The following AGXT2 variants were observed in gnomAD, a reference collection of about 807,000 sequenced individuals.
The protein encoded by AGXT2 is alanine--glyoxylate aminotransferase 2, mitochondrial.
A neutral mutation model predicts 62.5 loss-of-function variants in AGXT2; 61 were observed. The observed-to-expected ratio is 0.98, with a 90% CI of 0.79 to 1.21. The LOEUF (loss-of-function observed/expected upper bound fraction) is 1.21. Among genes scored for constraint, AGXT2 ranks in the 50% most tolerant of loss-of-function variants. The pLI is 0.00. For missense variants in AGXT2, 666 were observed against 641.5 expected, an observed-to-expected ratio of 1.04 and a Z score of -0.41; for synonymous variants, 243 against 218.7, an observed-to-expected ratio of 1.11 and a Z score of -0.98.
chr5:35,017,415 A>G (rs1474452584), intron 9 of AGXT2, among the ~76,000 whole-genome samples: 1 of 152,098 alleles, frequency 6.6e-6, no homozygotes, highest in African/African-American at 2.4e-5. Context: ...TGTGGGAGGG[A>G]CCTGATGGGA....
At chr5:35,037,119 A>C in intron 3 of AGXT2, 54 bp from the exon 4 acceptor site, 1 of 1,611,810 alleles carries the variant, frequency 6.2e-7, no homozygotes, top group Non-Finnish European at 8.5e-7. Context: ...TCCCTCCTGC[A>C]CACACCCTGG....
intron 9 of AGXT2, among the ~76,000 whole-genome samples, chr5:35,015,521 G>T (rs1484236863): frequency 2.0e-5 from 3 of 152,070 alleles, no homozygotes; most frequent in Non-Finnish European, 4.4e-5. Flanking sequence ...TAGGGATGTG[G>T]GCACTAGAAG....
intron 5 of AGXT2, among the ~76,000 whole-genome samples, chr5:35,033,958 G>A (rs1258085170): frequency 6.6e-6 from 1 of 152,066 alleles, no homozygotes; most frequent in African/African-American, 2.4e-5. Context: ...AATATCTTTA[G>A]GGACTTACAC....
intron 9 of AGXT2, 70 bp downstream of exon 9, chr5:35,025,693 G>A: frequency 6.7e-7 from 1 of 1,493,292 alleles, no homozygotes; most frequent in Non-Finnish European, 9.3e-7. Flanking sequence ...CACAGAGGAA[G>A]TTTAGGAGGT....
intron 7 of AGXT2, among the ~76,000 whole-genome samples, chr5:35,030,246 G>T (rs1383563500): frequency 3.9e-5 from 6 of 152,136 alleles, no homozygotes; most frequent in Non-Finnish European, 8.8e-5. Flanking sequence ...GGTGGCTCAC[G>T]CATGTGATCC....
intron 7 of AGXT2, among the ~76,000 whole-genome samples, chr5:35,028,558 TGAGAGAGAGAGAGAGAGA>T (rs541190371): frequency 2.3e-3 from 24 of 10,612 alleles, no homozygotes; most frequent in African/African-American, 4.6e-3. Context: ...GCAGGAAAGG[TGAGAGAGAGAGAGAGAGA>T]GAGAGAGAGA....
chr5:35,045,611 T>C (rs1350722718), intron 1 of AGXT2, among the ~76,000 whole-genome samples: 2 of 152,072 alleles, frequency 1.3e-5, no homozygotes, highest in Non-Finnish European at 2.9e-5. Flanking sequence ...TGTATGTTAG[T>C]GAGTGTGTGT....
intron 2 of AGXT2, among the ~76,000 whole-genome samples, chr5:35,040,265 G>A (rs1029378866): frequency 6.6e-6 from 1 of 152,188 alleles, no homozygotes; most frequent in South Asian, 2.1e-4. Flanking sequence ...GCCTATGTGT[G>A]CCATCACATT....
intron 11 of AGXT2, chr5:35,012,328 AC>A (rs1234225148): frequency 6.5e-6 from 1 of 153,528 alleles, no homozygotes; most frequent in Non-Finnish European, 1.4e-5. Flanking sequence ...ACCCTTGTTG[AC>A]CCTTGGCCCC....
chr5:35,018,673 C>A (rs1223691436), intron 9 of AGXT2, among the ~76,000 whole-genome samples: 1 of 149,628 alleles, frequency 6.7e-6, no homozygotes, highest in Non-Finnish European at 1.5e-5. Flanking sequence ...AACTAACGAG[C>A]AAAATAACCA....
chr5:35,037,284 A>T (rs2112278029), intron 3 of AGXT2, among the ~76,000 whole-genome samples: 2 of 152,356 alleles, frequency 1.3e-5, no homozygotes, highest in South Asian at 4.1e-4. Context: ...GCAGGGTTCA[A>T]AAGGAGACTC....
Position 35,032,729 on chromosome 5 carries a change from G to T in AGXT2, c.769+3C>A. On this transcript the variant is annotated splice_donor_region_variant and intron_variant, in intron 7 of 13. Transcript: ENST00000231420. ...CACTGGCACCCCCCTTGCCCAGTCG[G>T]ACCTGGTGCACAGCTGCACTTCCTG... 6.2e-7 allele frequency: 1 copy of T among 1,603,794 alleles called. No individual in the cohort carries two copies. The highest frequency in any genetic ancestry group is 8.5e-7 in the Non-Finnish European group (1 of 1,174,488).
intron 1 of AGXT2, 69 bp downstream of exon 1, chr5:35,047,736 C>T (rs1768302894): frequency 3.8e-6 from 6 of 1,573,606 alleles, no homozygotes; most frequent in Non-Finnish European, 4.3e-6. Flanking sequence ...CAGGCAGCAG[C>T]CTTCGGAGCT....
chr5:35,028,475 G>A (rs1004854116), intron 7 of AGXT2, among the ~76,000 whole-genome samples: 1 of 151,732 alleles, frequency 6.6e-6, no homozygotes, highest in African/African-American at 2.4e-5. Context: ...TGGGAAGATT[G>A]CCCAGCAGAC....
chr5:35,006,688 C>T (rs1766437081), intron 12 of AGXT2, among the ~76,000 whole-genome samples: 1 of 152,120 alleles, frequency 6.6e-6, no homozygotes, highest in Non-Finnish European at 1.5e-5. Flanking sequence ...AACCATGTCA[C>T]CAGGTCAAAA....
At chr5:35,040,708 G>T in intron 1 of AGXT2, 45 bp from the exon 2 acceptor site, 1 of 1,480,020 alleles carries the variant, frequency 6.8e-7, no homozygotes, top group Non-Finnish European at 9.4e-7. Context: ...CATGACATAG[G>T]TCTGTTTGTG....
chr5:35,025,250 C>T (rs1767286750), intron 9 of AGXT2, among the ~76,000 whole-genome samples: 1 of 152,044 alleles, frequency 6.6e-6, no homozygotes, highest in Admixed American at 6.6e-5. Flanking sequence ...GTGGCACATG[C>T]CTGTGGTCCC....
chr5:35,031,462 A>G (rs1394263819), intron 7 of AGXT2, among the ~76,000 whole-genome samples: 2 of 151,924 alleles, frequency 1.3e-5, no homozygotes, highest in East Asian at 3.9e-4. Flanking sequence ...TTTCCTCTCA[A>G]CCCAGTGATT....
chr5:35,004,818 T>C (rs1413236304), intron 12 of AGXT2, among the ~76,000 whole-genome samples: 1 of 152,162 alleles, frequency 6.6e-6, no homozygotes, highest in South Asian at 2.1e-4. Context: ...CAGTCTGGGC[T>C]TTGCCATCCA....
Sources: allele counts gnomAD v4.1 joint callset (sites outside exome capture counted in the v4.1 genomes callset), GRCh38; gene constraint gnomAD v4.1.1; transcripts MANE v1.5; gene names NCBI Gene and HGNC (gene_info 2026-07-23, HGNC 2026-07-21).